The following SFMBT1 variants were observed in gnomAD, a reference collection of about 807,000 sequenced individuals.
SFMBT1 encodes Scm like with four mbt domains 1.
A neutral mutation model predicts 108.7 loss-of-function variants in SFMBT1; 32 were observed. The observed-to-expected ratio is 0.29, with a 90% CI of 0.22 to 0.40. SFMBT1 has a LOEUF of 0.40. SFMBT1 is among the 10% of genes least tolerant of loss of function. The pLI is 1.00. For missense variants in SFMBT1, 816 were observed against 1,059.6 expected, an observed-to-expected ratio of 0.77 and a Z score of 3.19; for synonymous variants, 348 against 369.5, an observed-to-expected ratio of 0.94 and a Z score of 0.67.
At chr3:52,991,139 G>A (rs906710328) in intron 1 of SFMBT1, among the ~76,000 whole-genome samples, 5 of 152,090 alleles carry the variant, frequency 3.3e-5, no homozygotes, top group African/African-American at 1.2e-4. Flanking sequence ...TGAGGCTGGT[G>A]ACTCTAAAAG....
intron 12 of SFMBT1, among the ~76,000 whole-genome samples, chr3:52,918,801 T>C (rs1702433050): frequency 6.6e-6 from 1 of 152,088 alleles, no homozygotes; most frequent in Non-Finnish European, 1.5e-5. Context: ...TCAGTAAGTG[T>C]TGGGAAAGCT....
chr3:52,991,627 A>C (rs554792618), intron 1 of SFMBT1, among the ~76,000 whole-genome samples: 4 of 152,254 alleles, frequency 2.6e-5, no homozygotes, highest in African/African-American at 7.2e-5. Context: ...TACAGGCGTG[A>C]GCCACCTCGC....
At chr3:52,943,768 T>C (rs1232358128) in intron 3 of SFMBT1, among the ~76,000 whole-genome samples, 175 bp from the exon 4 acceptor site, 1 of 152,196 alleles carries the variant, frequency 6.6e-6, no homozygotes, top group Admixed American at 6.5e-5. Flanking sequence ...AACAAACGAA[T>C]AGCAATGCTG....
At chr3:53,017,496 G>A (rs902955286) in intron 1 of SFMBT1, among the ~76,000 whole-genome samples, 1 of 152,118 alleles carries the variant, frequency 6.6e-6, no homozygotes, top group Non-Finnish European at 1.5e-5. Flanking sequence ...GGGTTTATAG[G>A]CTAATCAGAT....
chr3:53,021,502 G>C (rs1279805365), intron 1 of SFMBT1, among the ~76,000 whole-genome samples: 1 of 152,144 alleles, frequency 6.6e-6, no homozygotes, highest in Admixed American at 6.5e-5. Flanking sequence ...GAAGTCAAAA[G>C]ACAACAAGTA....
intron 1 of SFMBT1, among the ~76,000 whole-genome samples, chr3:53,001,038 T>C (rs1698530839): frequency 6.7e-6 from 1 of 150,202 alleles, no homozygotes; most frequent in Non-Finnish European, 1.5e-5. Context: ...TCTCACTGTT[T>C]AGTCTACTTT....
Position 52,904,983 on chromosome 3 carries a change from A to T in SFMBT1, c.*153T>A. On this transcript the variant is annotated 3_prime_UTR_variant, in exon 21 of 21. Coordinates refer to ENST00000394752, the MANE Select transcript of SFMBT1 (RefSeq NM_016329.4). The stretch of plus-strand genomic sequence containing the variant: ...TTCTGTGCACAGTTTTTGCTTCCTC[A>T]CTGTGAGTCCTCCTTCCCCGAAAGT... The T allele has an allele frequency of 1.0e-6, 1 of 993,664 alleles. No individual in the cohort carries two copies. The highest frequency in any genetic ancestry group is 1.4e-6 in the Non-Finnish European group (1 of 704,374). The allele number at this position is 993,664 out of a possible 1,614,324, so 61.6% of individuals were successfully genotyped here. A position where few individuals can be genotyped will look rare whatever the true frequency, so the allele number is the denominator to read the frequency against.
At chr3:53,019,960 C>A (rs1159101876) in intron 1 of SFMBT1, among the ~76,000 whole-genome samples, 1 of 152,200 alleles carries the variant, frequency 6.6e-6, no homozygotes, top group Non-Finnish European at 1.5e-5. Context: ...TAGTTCACCA[C>A]AGACTCCAAT....
intron 16 of SFMBT1, 105 bp downstream of exon 16, chr3:52,912,433 C>G: frequency 1.1e-6 from 1 of 886,230 alleles, no homozygotes; most frequent in Non-Finnish European, 1.8e-6. Context: ...CCGCCTCGGC[C>G]TCCCAAAGTG....
At chr3:52,916,708 A>C (rs939803790) in intron 13 of SFMBT1, among the ~76,000 whole-genome samples, 5 of 152,060 alleles carry the variant, frequency 3.3e-5, no homozygotes, top group African/African-American at 4.8e-5. Flanking sequence ...ACAACAACAA[A>C]AAACTACAAC....
At chr3:53,023,860 T>C (rs1699396300) in intron 1 of SFMBT1, among the ~76,000 whole-genome samples, 2 of 152,232 alleles carry the variant, frequency 1.3e-5, no homozygotes, top group Admixed American at 6.5e-5. Flanking sequence ...CACTCGCTAA[T>C]AGCCCTCCAA....
chr3:53,039,167 G>C (rs974837368), intron 1 of SFMBT1, among the ~76,000 whole-genome samples: 1 of 152,162 alleles, frequency 6.6e-6, no homozygotes, highest in East Asian at 1.9e-4. Context: ...TGGTTCTCTA[G>C]GCTCTGCTGG....
At chr3:53,044,804 C>A (rs1187789679) in intron 1 of SFMBT1, 2 of 152,642 alleles carry the variant, frequency 1.3e-5, no homozygotes, top group African/African-American at 4.8e-5. Flanking sequence ...CTGCTTCGGG[C>A]GACCCGCTGG....
chr3:53,015,575 G>A (rs1699098358), intron 1 of SFMBT1, among the ~76,000 whole-genome samples: 1 of 152,142 alleles, frequency 6.6e-6, no homozygotes, highest in Admixed American at 6.5e-5. Flanking sequence ...ATGTGACATA[G>A]CCATATAGTA....
intron 8 of SFMBT1, 45 bp from the exon 9 acceptor site, chr3:52,928,386 A>G (rs964105632): frequency 6.3e-7 from 1 of 1,590,708 alleles, no homozygotes; most frequent in Non-Finnish European, 8.6e-7. Context: ...GCACACATAT[A>G]TATGTGCTTT....
At chr3:52,921,382 C>G (rs564231905) in intron 11 of SFMBT1, among the ~76,000 whole-genome samples, 40 of 152,246 alleles carry the variant, frequency 2.6e-4, no homozygotes, top group African/African-American at 8.7e-4. Flanking sequence ...AATATTATCT[C>G]TTCAATAAGC....
At chr3:53,018,593 T>G (rs572054737) in intron 1 of SFMBT1, among the ~76,000 whole-genome samples, 2 of 152,286 alleles carry the variant, frequency 1.3e-5, no homozygotes, top group Admixed American at 1.3e-4. Context: ...TTTCTCTGCT[T>G]CCTCCTCACA....
intron 1 of SFMBT1, among the ~76,000 whole-genome samples, chr3:53,013,126 G>T (rs547896490): frequency 5.9e-5 from 9 of 151,756 alleles, no homozygotes; most frequent in Non-Finnish European, 1.0e-4. Context: ...TACTGGATTT[G>T]ATTATAATGT....
intron 1 of SFMBT1, among the ~76,000 whole-genome samples, chr3:53,021,809 G>A (rs1222680646): frequency 6.6e-6 from 1 of 152,082 alleles, no homozygotes; most frequent in East Asian, 1.9e-4. Context: ...TTTACAAGGG[G>A]AAAAGAGAAA....
Sources: allele counts gnomAD v4.1 joint callset (sites outside exome capture counted in the v4.1 genomes callset), GRCh38; gene constraint gnomAD v4.1.1; transcripts MANE v1.5; gene names NCBI Gene and HGNC (gene_info 2026-07-23, HGNC 2026-07-21).